The following DNAH11 variants were observed in gnomAD, a reference collection of about 807,000 sequenced individuals.
DNAH11 encodes the protein dynein axonemal heavy chain 11.
DNAH11 carries 442 observed loss-of-function variants against 526.0 expected under a neutral mutation model. The observed-to-expected ratio is 0.84, with a 90% confidence interval of 0.78 to 0.91. DNAH11 has a LOEUF of 0.91. DNAH11 is among the 40% of genes least tolerant of loss of function. The pLI, the probability that DNAH11 is intolerant of heterozygous loss-of-function variation, is 0.00. For missense variants in DNAH11, 6,989 were observed against 5,448.7 expected (o/e 1.28, Z -8.90); for synonymous variants, 2,461 against 1,935.9 (o/e 1.27, Z -7.12).
chr7:21,862,385 G>C (rs1783099055), intron 69 of DNAH11, among the ~76,000 whole-genome samples: 1 of 152,168 alleles, frequency 6.6e-6, no homozygotes, highest in African/African-American at 2.4e-5. Context: ...TATGAGTCCA[G>C]ATCCGAGTGG....
At chr7:21,779,293 A>T (rs536720711) in intron 57 of DNAH11, among the ~76,000 whole-genome samples, 189 bp downstream of exon 57, 4 of 152,306 alleles carry the variant, frequency 2.6e-5, no homozygotes, top group African/African-American at 9.6e-5. Flanking sequence ...GCATTTCCCC[A>T]ACCTTTTAGC....
chr7:21,864,437 C>T, intron 69 of DNAH11, 98 bp from the exon 70 acceptor site: 2 of 1,222,938 alleles, frequency 1.6e-6, no homozygotes, highest in South Asian at 1.7e-5. Context: ...AGGTATGGTT[C>T]TGCCTACTCA....
chr7:21,648,271 C>A (rs1422029699), intron 28 of DNAH11, among the ~76,000 whole-genome samples: 19 of 152,126 alleles, frequency 1.2e-4, no homozygotes, highest in Admixed American at 1.2e-3. Context: ...GTAAAATTGG[C>A]CACAAATTCT....
intron 79 of DNAH11, 37 bp from the exon 80 acceptor site, chr7:21,899,299 G>C (rs757595956): frequency 7.1e-6 from 11 of 1,555,534 alleles, no homozygotes; most frequent in Non-Finnish European, 9.8e-6. Flanking sequence ...CTATTTTACT[G>C]AACAGCAAGT....
chr7:21,861,306 C>G (rs4722066), intron 68 of DNAH11, among the ~76,000 whole-genome samples: 2 of 152,052 alleles, frequency 1.3e-5, no homozygotes, highest in Non-Finnish European at 2.9e-5. Context: ...AATTTTTAAA[C>G]TGAGCTCATC....
intron 28 of DNAH11, among the ~76,000 whole-genome samples, chr7:21,651,516 C>G (rs935149627): frequency 6.6e-6 from 1 of 152,196 alleles, no homozygotes; most frequent in Non-Finnish European, 1.5e-5. Context: ...GCGCGTGCCA[C>G]TTTTCCCTTT....
At chr7:21,580,154 G>A (rs1197820587) in intron 8 of DNAH11, among the ~76,000 whole-genome samples, 2 of 152,052 alleles carry the variant, frequency 1.3e-5, no homozygotes. Context: ...AGAAGGGAGG[G>A]AGGTGACAGA....
intron 18 of DNAH11, among the ~76,000 whole-genome samples, chr7:21,602,721 T>G (rs1785140512): frequency 6.6e-6 from 1 of 152,154 alleles, no homozygotes; most frequent in Admixed American, 6.5e-5. Context: ...TAGATTTGTT[T>G]TCAAGTACTG....
At chr7:21,576,660 T>A (rs891028780) in intron 8 of DNAH11, among the ~76,000 whole-genome samples, 4 of 152,220 alleles carry the variant, frequency 2.6e-5, no homozygotes, top group African/African-American at 9.6e-5. Context: ...TAGCCTAATA[T>A]CAGTGTCAAT....
chr7:21,614,499 C>T (rs1161374621), intron 20 of DNAH11, among the ~76,000 whole-genome samples: 1 of 152,058 alleles, frequency 6.6e-6, no homozygotes, highest in Non-Finnish European at 1.5e-5. Context: ...AAGACTTGGT[C>T]ATCACAAAAG....
intron 30 of DNAH11, among the ~76,000 whole-genome samples, chr7:21,669,603 CA>C (rs1395030447): frequency 7.3e-5 from 11 of 151,718 alleles, no homozygotes; most frequent in South Asian, 2.1e-4. Flanking sequence ...TAGTGTATCA[CA>C]TTTTTTTTTC....
At position 21,615,172 on chromosome 7, in the gene DNAH11, G is replaced by A. The variant is rs369475751; in HGVS notation, c.3911G>A (p.Arg1304His). 65 of 1,612,956 alleles carry A rather than the reference G, an allele frequency of 4.0e-5. 1 individual carries two copies. The highest frequency in any genetic ancestry group is 2.4e-4 in the South Asian group (22 of 90,860). ...EEMLQMQEST[R>H]LFEVALPEYK... is the part of the protein sequence containing the mutation. ...ATGTTGCAGATGCAAGAATCTACTC[G>A]TCTTTTTGAAGTGGCTCTTCCAGAG... Residue 1304 changes from arginine to histidine, a missense_variant, in exon 21 of 82, where the codon CGT becomes CAT. Physicochemically the swap from Arg to His is conservative, Grantham distance 29 (BLOSUM62 0). Coordinates refer to ENST00000409508, the MANE Select transcript of DNAH11 (RefSeq NM_001277115.2).
chr7:21,582,571 CAT>C (rs1230222331), intron 9 of DNAH11, among the ~76,000 whole-genome samples: 1 of 152,006 alleles, frequency 6.6e-6, no homozygotes, highest in Non-Finnish European at 1.5e-5. Flanking sequence ...GATTTTGAAA[CAT>C]AAAAGTATGC....
chr7:21,702,366 G>C (rs918034886), intron 36 of DNAH11, among the ~76,000 whole-genome samples: 1 of 152,114 alleles, frequency 6.6e-6, no homozygotes, highest in Non-Finnish European at 1.5e-5. Flanking sequence ...ATGTGCTTCT[G>C]GTTGGAGGTG....
intron 74 of DNAH11, among the ~76,000 whole-genome samples, chr7:21,873,784 C>CTTT (rs57333575): frequency 0.42 from 29,341 of 69,354 alleles, 9,860 homozygotes; most frequent in Non-Finnish European, 0.49. Context: ...GAGGAGGTTG[C>CTTT]TTTTTTTTTT....
At chr7:21,864,472 A>G in intron 69 of DNAH11, 63 bp from the exon 70 acceptor site, 2 of 1,553,256 alleles carry the variant, frequency 1.3e-6, no homozygotes, top group South Asian at 2.4e-5. Context: ...ATGTGTGACT[A>G]CTTCCTGTGT....
chr7:21,576,315 A>C (rs1228002339), intron 8 of DNAH11, among the ~76,000 whole-genome samples: 1 of 152,204 alleles, frequency 6.6e-6, no homozygotes, highest in East Asian at 1.9e-4. Context: ...CGGCGGCCAC[A>C]AACAACCCTT....
At chr7:21,770,340 G>A (rs1419441412) in intron 55 of DNAH11, among the ~76,000 whole-genome samples, 1 of 152,168 alleles carries the variant, frequency 6.6e-6, no homozygotes, top group Non-Finnish European at 1.5e-5. Context: ...TTTTATATAA[G>A]ATTTTGAAGA....
chr7:21,898,989 A>C (rs994576520), intron 79 of DNAH11, among the ~76,000 whole-genome samples: 4 of 151,652 alleles, frequency 2.6e-5, no homozygotes, highest in African/African-American at 7.3e-5. Flanking sequence ...CATACCTCCA[A>C]GTTGGCGCTT....
Sources: gnomAD v4.1 joint callset for allele counts (sites outside exome capture counted in the v4.1 genomes callset) on GRCh38, gnomAD v4.1.1 for gene constraint, MANE v1.5 for transcripts, NCBI Gene and HGNC (gene_info 2026-07-23, HGNC 2026-07-21) for gene names.